Variants in PLXNA4 observed in about 807,000 individuals in gnomAD.
The protein encoded by PLXNA4 is plexin-A4.
PLXNA4 carries 44 observed loss-of-function variants against 191.8 expected under a neutral mutation model. The observed-to-expected ratio is 0.23, with a 90% CI of 0.18 to 0.29. The LOEUF (loss-of-function observed/expected upper bound fraction) is 0.29. Among genes scored for constraint, PLXNA4 ranks in the 10% least tolerant of loss-of-function variants. PLXNA4 has a pLI of 1.00. For missense variants in PLXNA4, 1,800 were observed against 2,488.8 expected (o/e 0.72, Z 5.89); for synonymous variants, 1,082 against 1,009.5 (o/e 1.07, Z -1.36).
chr7:132,537,256 C>T (rs1467776013), intron 1 of PLXNA4, among the ~76,000 whole-genome samples: 4 of 152,344 alleles, frequency 2.6e-5, no homozygotes, highest in Middle Eastern at 3.4e-3. Context: ...GTGTCCTTTT[C>T]GTGTGCACCA....
At chr7:132,144,557 T>C (rs1198188213) in intron 29 of PLXNA4, among the ~76,000 whole-genome samples, 1 of 152,204 alleles carries the variant, frequency 6.6e-6, no homozygotes, top group African/African-American at 2.4e-5. Context: ...AGAATAGGAA[T>C]GCCCTTTGTT....
At chr7:132,238,480 G>C (rs927995232) in intron 5 of PLXNA4, among the ~76,000 whole-genome samples, 1 of 152,170 alleles carries the variant, frequency 6.6e-6, no homozygotes, top group Non-Finnish European at 1.5e-5. Context: ...AATCTTCCCA[G>C]TGTCCCCCAG....
At chr7:132,185,193 A>G (rs3734981) in intron 16 of PLXNA4, 106 bp downstream of exon 16, 30,119 of 1,427,608 alleles carry the variant, frequency 0.021, 2,389 homozygotes, top group Admixed American at 0.18. Flanking sequence ...CAGCTCATCC[A>G]TCCCCCAAGC....
At chr7:132,419,226 C>T (rs1420238038) in intron 3 of PLXNA4, among the ~76,000 whole-genome samples, 3 of 152,186 alleles carry the variant, frequency 2.0e-5, no homozygotes, top group African/African-American at 7.2e-5. Flanking sequence ...GGCCAGGCAT[C>T]GTGTCCTGGG....
chr7:132,608,783 T>G (rs1377386360), intron 2 of PLXNA4, among the ~76,000 whole-genome samples: 1 of 152,170 alleles, frequency 6.6e-6, no homozygotes, highest in Non-Finnish European at 1.5e-5. Context: ...CAGATGGATC[T>G]TCCCAAAACT....
chr7:132,128,967 T>C lies in PLXNA4; in HGVS notation c.*1512A>G, dbSNP rs13232611. On this transcript the variant is annotated 3_prime_UTR_variant, in exon 32 of 32. Transcript: ENST00000321063. ...ATGAAAGGTTCCTAGAACCCTCCAT[T>C]AGACCATCTCTCCCCATAGCCTCTG... 0.097 allele frequency: 14,844 copies of C among 152,312 alleles called. 1,020 individuals are homozygous for C. Among genetic ancestry groups the C allele is most frequent in the South Asian group, 0.23 (1,095 of 4,818 alleles). The allele number at this position is 152,312 out of a possible 1,614,324, so 9.4% of individuals were successfully genotyped here.
intron 17 of PLXNA4, 62 bp from the exon 18 acceptor site, chr7:132,181,682 C>A: frequency 6.3e-7 from 1 of 1,587,716 alleles, no homozygotes; most frequent in South Asian, 1.1e-5. Flanking sequence ...AGCCCCAGTG[C>A]ACATAGTGGG....
chr7:132,611,193 T>A (rs1803039673), intron 2 of PLXNA4, among the ~76,000 whole-genome samples: 1 of 152,264 alleles, frequency 6.6e-6, no homozygotes, highest in Admixed American at 6.5e-5. Flanking sequence ...CATCTAAATG[T>A]GTGGTGTTTG....
At position 132,147,888 on chromosome 7, in the gene PLXNA4, G is replaced by C; in HGVS notation, c.4864+12C>G. The C allele has an allele frequency of 6.2e-7, 1 of 1,614,064 alleles. No homozygotes were observed. Among genetic ancestry groups the C allele is most frequent in the Non-Finnish European group, 8.5e-7 (1 of 1,179,982 alleles). The stretch of plus-strand genomic sequence containing the variant: ...CACCCAGGCCTCCCTAGGACACTCG[G>C]TGGGATCTTACCATATTTACTTGCT... On this transcript the variant is annotated intron_variant, in intron 27 of 31. Coordinates refer to ENST00000321063, the MANE Select transcript of PLXNA4 (RefSeq NM_020911.2).
rs1381461322 is a variant in PLXNA4 at position 132,179,039 on chromosome 7, C to T, written c.3874+648G>A. On this transcript the variant is annotated intron_variant, in intron 20 of 31. Transcript: ENST00000321063. The stretch of plus-strand genomic sequence containing the variant: ...ACATATACAGGCGCGCGCGCACACA[C>T]ACACACACACACACACACGGCCTCC... Among the ~76,000 whole-genome samples the T allele has an allele frequency of 1.6e-3, 203 of 124,598 alleles. 7 individuals are homozygous for T. The highest frequency in any genetic ancestry group is 5.9e-3 in the African/African-American group (196 of 33,284). 81.7% of individuals were successfully genotyped at this position (124,598 alleles called of 152,430 possible). A position where few individuals can be genotyped will look rare whatever the true frequency, so the allele number is the denominator to read the frequency against.
intron 3 of PLXNA4, among the ~76,000 whole-genome samples, chr7:132,454,051 C>T (rs1427962370): frequency 6.6e-6 from 1 of 152,220 alleles, no homozygotes; most frequent in African/African-American, 2.4e-5. Context: ...AACAGCCTAG[C>T]AGCCCACTGG....
chr7:132,205,358 T>G (rs1797581257), intron 10 of PLXNA4, among the ~76,000 whole-genome samples: 1 of 152,126 alleles, frequency 6.6e-6, no homozygotes, highest in South Asian at 2.1e-4. Flanking sequence ...ATGAGGAGCA[T>G]TTTGAGAGCT....
At chr7:132,602,600 G>A (rs1802841114) in intron 2 of PLXNA4, among the ~76,000 whole-genome samples, 1 of 152,126 alleles carries the variant, frequency 6.6e-6, no homozygotes, top group South Asian at 2.1e-4. Flanking sequence ...TTCTTTCCAA[G>A]CCCCAACCCT....
At chr7:132,612,771 G>A (rs1197598012) in intron 2 of PLXNA4, among the ~76,000 whole-genome samples, 1 of 151,458 alleles carries the variant, frequency 6.6e-6, no homozygotes, top group East Asian at 1.9e-4. Context: ...GGCCTGTCCT[G>A]TGTATTGTTA....
chr7:132,524,870 C>G (rs1022190452), intron 1 of PLXNA4, among the ~76,000 whole-genome samples: 1 of 151,980 alleles, frequency 6.6e-6, no homozygotes, highest in African/African-American at 2.4e-5. Flanking sequence ...CCTGGCAAGA[C>G]TTTTTTCAAA....
rs551393042 is a variant in PLXNA4, at chr7:132,157,471, A to G, written c.4660+2002T>C. On this transcript the variant is annotated intron_variant, in intron 25 of 31. Coordinates refer to ENST00000321063, the MANE Select transcript of PLXNA4 (RefSeq NM_020911.2). ...AGTGATTTAAGGGACTCTCAGGACA[A>G]AGTTCACGGGGCTGCCTTCTGTGAG... 5.9e-4 allele frequency among the ~76,000 whole-genome samples: 90 copies of G among 152,312 alleles called. No individual in the cohort carries two copies. The Middle Eastern group carries it at 0.01, about 17-fold the overall frequency.
upstream of PLXNA4, among the ~76,000 whole-genome samples, chr7:132,579,484 C>A (rs975609856): frequency 2.7e-5 from 4 of 149,728 alleles, no homozygotes; most frequent in Non-Finnish European, 5.9e-5. Context: ...GCTTGAGTTC[C>A]AGGCCCATTT....
At chr7:132,561,874 C>T (rs189510909) in intron 1 of PLXNA4, among the ~76,000 whole-genome samples, 1 of 145,626 alleles carries the variant, frequency 6.9e-6, no homozygotes, top group East Asian at 2.2e-4. Context: ...TCTTTCTCCT[C>T]CTCCTTCTCC....
chr7:132,132,458 T>C (rs201460669), intron 31 of PLXNA4, among the ~76,000 whole-genome samples: 7,608 of 54,358 alleles, frequency 0.14, 787 homozygotes, highest in African/African-American at 0.19. Flanking sequence ...TTCTGTTCTG[T>C]TCTGTTCTGC....
Sources: gnomAD v4.1 joint callset for allele counts (sites outside exome capture counted in the v4.1 genomes callset) on GRCh38, gnomAD v4.1.1 for gene constraint, MANE v1.5 for transcripts, NCBI Gene and HGNC (gene_info 2026-07-23, HGNC 2026-07-21) for gene names.